The following SLC8B1 variants were observed in gnomAD, a reference collection of about 807,000 sequenced individuals.
SLC8B1 encodes the protein mitochondrial sodium/calcium exchanger protein.
In SLC8B1, 52 loss-of-function variants were observed where a neutral mutation model predicts 63.4. The ratio of observed to expected loss-of-function variants is 0.82; its 90% confidence interval spans 0.66 to 1.03. SLC8B1 has a LOEUF of 1.03. Ranked by LOEUF, SLC8B1 falls within the 50% of genes least tolerant of loss-of-function variation. SLC8B1 has a pLI of 0.00. For missense variants in SLC8B1, 657 were observed against 741.7 expected (o/e 0.89, Z 1.33); for synonymous variants, 336 against 323.9 (o/e 1.04, Z -0.40).
At chr12:113,313,465 C>T (rs553925198) in intron 11 of SLC8B1, among the ~76,000 whole-genome samples, 2 of 152,142 alleles carry the variant, frequency 1.3e-5, no homozygotes, top group Non-Finnish European at 2.9e-5. Context: ...TGTGGCCAGG[C>T]GCAGTGGCTC....
At chr12:113,301,079 C>G (rs906823567) in intron 15 of SLC8B1, among the ~76,000 whole-genome samples, 1 of 151,738 alleles carries the variant, frequency 6.6e-6, no homozygotes, top group Non-Finnish European at 1.5e-5. Flanking sequence ...GAGGCTGCAG[C>G]GAGCCAAGAT....
At chr12:113,319,160 A>G in intron 7 of SLC8B1, 89 bp from the exon 8 acceptor site, 1 of 1,001,738 alleles carries the variant, frequency 1.0e-6, no homozygotes, top group Non-Finnish European at 1.6e-6. Context: ...GGTGCGTGTT[A>G]GCGGTGGCAA....
intron 15 of SLC8B1, among the ~76,000 whole-genome samples, chr12:113,301,142 C>A (rs116738941): frequency 0.06 from 9,111 of 151,640 alleles, 293 homozygotes; most frequent in Middle Eastern, 0.071. Flanking sequence ...TCTCAAAAAA[C>A]AAAAGAAGAA....
intron 10 of SLC8B1, among the ~76,000 whole-genome samples, chr12:113,316,137 T>C (rs1009173148): frequency 6.0e-5 from 9 of 151,146 alleles, no homozygotes; most frequent in African/African-American, 1.9e-4. Context: ...GGCAGGAGAA[T>C]GGCGTGAACC....
intron 1 of SLC8B1, 149 bp downstream of exon 1, chr12:113,334,294 T>G (rs1957098176): frequency 6.6e-6 from 1 of 152,230 alleles, no homozygotes; most frequent in Admixed American, 6.5e-5. Flanking sequence ...GTCTTATTTT[T>G]GCAATCAGGA....
chr12:113,320,500 T>C lies in SLC8B1; in HGVS notation c.527-2A>G. On this transcript the variant is annotated splice_acceptor_variant, in intron 6 of 15. Transcript: ENST00000680972. LOFTEE classifies it high-confidence loss of function. This position sits in a 1 kb window ranked among gnomAD's most constrained non-coding sequence, Gnocchi z 5.3. ...CTGTGGTAACCAGCACGCCAGCGCC[T>C]GGGGGGAGGAGGCCAGAGCTCAGCC... 6.2e-7 allele frequency: 1 copy of C among 1,614,022 alleles called. No homozygotes were observed. Among genetic ancestry groups the C allele is most frequent in the African/African-American group, 1.3e-5 (1 of 75,046 alleles).
rs528231238 is a variant in SLC8B1, at chr12:113,316,942, C to T, written c.862G>A (p.Gly288Ser). The change falls in exon 9 of 16, where the codon GGT becomes AGT. Residue 288 changes from glycine to serine, a missense_variant and splice_region_variant. Coordinates refer to ENST00000680972, the MANE Select transcript of SLC8B1 (RefSeq NM_001358345.2). ...GGCTGGGCACAGGGCACGGACTCAC[C>T]GTAGTCATAGCTGTTGGTATTAGAA... ...VSSNTNSYDY[G>S]DEYRPLFFYQ... is the part of the protein sequence containing the mutation. The T allele has an allele frequency of 6.2e-6, 10 of 1,613,274 alleles. No individual in the cohort carries two copies. Among genetic ancestry groups the T allele is most frequent in the Admixed American group, 1.7e-5 (1 of 59,898 alleles).
At chr12:113,300,140 G>C (rs1334151086) in intron 15 of SLC8B1, among the ~76,000 whole-genome samples, 166 bp from the exon 16 acceptor site, 5 of 146,466 alleles carry the variant, frequency 3.4e-5, no homozygotes, top group Non-Finnish European at 7.6e-5. Context: ...CAACAATCCA[G>C]CCTCAACAAC....
At chr12:113,306,654 C>G in intron 13 of SLC8B1, 79 bp from the exon 14 acceptor site, 1 of 1,204,802 alleles carries the variant, frequency 8.3e-7, no homozygotes. Flanking sequence ...TCATTCTCAC[C>G]CACGGTCATT....
At chr12:113,307,385 G>A (rs948086458) in intron 13 of SLC8B1, among the ~76,000 whole-genome samples, 15 of 152,228 alleles carry the variant, frequency 9.9e-5, no homozygotes, top group African/African-American at 2.9e-4. Context: ...TCACACACCC[G>A]TGTACACATC....
Position 113,316,554 on chromosome 12 carries a change from G to A in SLC8B1, c.965C>T (p.Ala322Val). 2 of 1,614,228 alleles carry A rather than the reference G, an allele frequency of 1.2e-6. No individual in the cohort carries two copies. The highest frequency in any genetic ancestry group is 1.7e-6 in the Non-Finnish European group (2 of 1,180,034). Reference protein sequence around the residue: ...LDYMKWRRKSAYWKALKVFKL... With the variant: ...LDYMKWRRKSVYWKALKVFKL... ...GAACACCTTGAGGGCTTTCCAGTAT[G>A]CTGATTTCCTTCTCCACTTCATGTA... is the stretch of plus-strand genomic sequence containing the variant. The change falls in exon 10 of 16, where the codon GCA becomes GTA. Residue 322 changes from alanine to valine, a missense_variant. Ala to Val is a moderately conservative substitution (Grantham distance 64, BLOSUM62 0). Transcript: ENST00000680972.
At chr12:113,331,312 C>A (rs140379985) in intron 2 of SLC8B1, among the ~76,000 whole-genome samples, 1 of 149,992 alleles carries the variant, frequency 6.7e-6, no homozygotes. Flanking sequence ...CGCTTGAACC[C>A]GGGAGGTGGA....
chr12:113,312,322 T>C (rs1221109910), intron 11 of SLC8B1, among the ~76,000 whole-genome samples: 1 of 151,910 alleles, frequency 6.6e-6, no homozygotes, highest in African/African-American at 2.4e-5. Context: ...TAATCCCAGC[T>C]ACTTGGGAGA....
intron 7 of SLC8B1, among the ~76,000 whole-genome samples, chr12:113,319,538 A>T (rs1279484178): frequency 2.0e-5 from 3 of 151,302 alleles, no homozygotes; most frequent in African/African-American, 7.3e-5. Flanking sequence ...CAGCCCTCCA[A>T]CTCTCACTGG....
intron 8 of SLC8B1, among the ~76,000 whole-genome samples, chr12:113,317,774 G>GCA (rs1566235536): frequency 6.6e-6 from 1 of 151,744 alleles, no homozygotes; most frequent in Non-Finnish European, 1.5e-5. Flanking sequence ...GCATGTATTT[G>GCA]TATGTGTGTT....
At chr12:113,312,462 G>T (rs1199272468) in intron 11 of SLC8B1, among the ~76,000 whole-genome samples, 1 of 152,074 alleles carries the variant, frequency 6.6e-6, no homozygotes, top group Non-Finnish European at 1.5e-5. Flanking sequence ...TTGAGTGGGG[G>T]AGTGACCACA....
chr12:113,332,847 G>A lies in SLC8B1; in HGVS notation c.32C>T (p.Ala11Val), dbSNP rs538616608. 1.3e-5 allele frequency: 21 copies of A among 1,614,166 alleles called. No individual in the cohort carries two copies. The South Asian group carries it at 2.2e-4, about 17-fold the overall frequency. MAGRRLNLRW[A>V]LSVLCVLLMA... is the part of the protein sequence containing the mutation. Reference sequence around the variant, plus strand: ...TAGCAGCACACAAAGCACACTCAGTGCCCAGCGCAGATTCAGCCTTCTGCC... The same window carrying A: ...TAGCAGCACACAAAGCACACTCAGTACCCAGCGCAGATTCAGCCTTCTGCC... The change falls in exon 2 of 16, where the codon GCA becomes GTA. Residue 11 changes from alanine (A) to valine (V), a missense_variant. Ala to Val is a moderately conservative substitution (Grantham distance 64). Transcript: ENST00000680972.
At chr12:113,318,688 A>G (rs1021750107) in intron 8 of SLC8B1, among the ~76,000 whole-genome samples, 7 of 152,186 alleles carry the variant, frequency 4.6e-5, no homozygotes, top group Admixed American at 3.9e-4. Flanking sequence ...ATGGTGGGAA[A>G]CATCAGGGCA....
chr12:113,303,941 C>T (rs899448832), intron 15 of SLC8B1, among the ~76,000 whole-genome samples: 3 of 152,148 alleles, frequency 2.0e-5, no homozygotes, highest in South Asian at 2.1e-4. Context: ...AGTGCAGTGG[C>T]GCAATCTTGG....
Sources: allele counts gnomAD v4.1 joint callset (sites outside exome capture counted in the v4.1 genomes callset), GRCh38; gene constraint gnomAD v4.1.1; non-coding constraint Gnocchi (gnomAD v3.1); transcripts MANE v1.5; gene names NCBI Gene and HGNC (gene_info 2026-07-23, HGNC 2026-07-21).